LAMC3: variants seen among roughly 807,000 people sequenced by gnomAD.
LAMC3 encodes laminin subunit gamma-3.
In LAMC3, 128 loss-of-function variants were observed where a neutral mutation model predicts 173.8. The ratio of observed to expected loss-of-function variants is 0.74; its 90% CI spans 0.64 to 0.85. The LOEUF is 0.85. LAMC3 is among the 40% of genes least tolerant of loss of function. LAMC3 has a pLI of 0.00. For synonymous variants in LAMC3, 897 were observed against 909.1 expected, an observed-to-expected ratio of 0.99 and a Z score of 0.24; for missense variants, 2,022 against 2,156.0, an observed-to-expected ratio of 0.94 and a Z score of 1.23.
intron 15 of LAMC3, among the ~76,000 whole-genome samples, chr9:131,068,570 C>T (rs976044629): frequency 2.0e-5 from 3 of 151,078 alleles, no homozygotes; most frequent in African/African-American, 7.3e-5. Flanking sequence ...AGGAGGACTC[C>T]AGGGAAACAC....
rs1160809894 is a variant in LAMC3 at position 131,009,899 on chromosome 9, A to G, written c.373+312A>G. On this transcript the variant is annotated intron_variant, in intron 1 of 27. Transcript: ENST00000361069. This position sits in a 1 kb window ranked among gnomAD's most constrained non-coding sequence, Gnocchi z 4.3. ...CCGGGCGCGGTGGCTGACGTCTGTAATCCCAGCACTTTGGGAGGCCGAGGC... is the reference window on the plus strand; with the variant it reads ...CCGGGCGCGGTGGCTGACGTCTGTAGTCCCAGCACTTTGGGAGGCCGAGGC... Among the ~76,000 whole-genome samples, 1 of 151,550 alleles carries G rather than the reference A, an allele frequency of 6.6e-6. No homozygotes were observed. Among genetic ancestry groups the G allele is most frequent in the East Asian group, 1.9e-4 (1 of 5,154 alleles).
chr9:131,075,849 C>T lies in LAMC3; in HGVS notation c.3513C>T (p.Thr1171=), dbSNP rs767717435. 2 of 1,612,144 alleles carry T rather than the reference C, an allele frequency of 1.2e-6. No individual in the cohort carries two copies. Among genetic ancestry groups the T allele is most frequent in the Non-Finnish European group, 1.7e-6 (2 of 1,179,316 alleles). Residue 1171 remains threonine, a synonymous_variant, in exon 21 of 28, where the codon ACC becomes ACT. Transcript: ENST00000361069. ...CACACAGCCACAGAGACACCGCCAC[C>T]AAGATCGCAGCCACTGCTTGGAGGG... ...ALARSHRDTA[T]KIAATAWRAL...
At chr9:131,069,196 C>T (rs1435436190) in intron 16 of LAMC3, 146 bp downstream of exon 16, 5 of 935,718 alleles carry the variant, frequency 5.3e-6, no homozygotes, top group African/African-American at 3.3e-5. Context: ...AAGCATGGAG[C>T]GAGTTGCTCC....
chr9:131,013,004 GGGGCTGGGGCCT>G (rs976071035), intron 1 of LAMC3, among the ~76,000 whole-genome samples: 2 of 152,258 alleles, frequency 1.3e-5, no homozygotes, highest in African/African-American at 4.8e-5. Context: ...GGGAGGCCAC[GGGGCTGGGGCCT>G]GGGAGTCAGT....
At chr9:131,044,038 A>G (rs1403926769) in intron 7 of LAMC3, among the ~76,000 whole-genome samples, 1 of 148,972 alleles carries the variant, frequency 6.7e-6, no homozygotes. Flanking sequence ...GGCTCACTGC[A>G]ACCTCTGTCT....
Position 131,009,435 on chromosome 9 carries a change from GCCAGCGCTGCGACGCCGCCGACCC to G in LAMC3, c.229_252del (p.Cys77_Arg84del), listed in dbSNP as rs1833367210. 1 of 1,544,400 alleles carries G rather than the reference GCCAGCGCTGCGACGCCGCCGACCC, an allele frequency of 6.5e-7. No homozygotes were observed. Among genetic ancestry groups the G allele is most frequent in the African/African-American group, 1.4e-5 (1 of 72,816 alleles). On this transcript the variant is annotated inframe_deletion, in exon 1 of 28. Coordinates refer to ENST00000361069, the MANE Select transcript of LAMC3 (RefSeq NM_006059.4). The surrounding 1 kb of genome is among the most constrained non-coding windows in gnomAD (Gnocchi z 4.3). ...GGCGCCGCGGGCGCGGGGGCTCATT[GCCAGCGCTGCGACGCCGCCGACCC>G]CCAGCGCCACCACAACGCCTCCTAC... is the stretch of plus-strand genomic sequence containing the variant.
chr9:131,084,930 C>T (rs574079686), intron 24 of LAMC3, among the ~76,000 whole-genome samples: 111 of 118,034 alleles, frequency 9.4e-4, no homozygotes, highest in Non-Finnish European at 1.6e-3. Flanking sequence ...CAGAGCGAGA[C>T]CTTGTCTCAA....
chr9:131,061,979 A>G (rs1356155829), intron 13 of LAMC3, among the ~76,000 whole-genome samples: 1 of 152,156 alleles, frequency 6.6e-6, no homozygotes, highest in Non-Finnish European at 1.5e-5. Context: ...TGAGCCCGGG[A>G]GGCGGAGGCT....
chr9:131,094,268 T>A lies in LAMC3; in HGVS notation c.*2481T>A, dbSNP rs1830469115. The A allele has an allele frequency of 6.6e-6, 1 of 152,208 alleles. No individual in the cohort carries two copies. The highest frequency in any genetic ancestry group is 1.5e-5 in the Non-Finnish European group (1 of 68,072). The allele number at this position is 152,208 out of a possible 1,614,324, so 9.4% of individuals were successfully genotyped here. On this transcript the variant is annotated 3_prime_UTR_variant, in exon 28 of 28. Coordinates refer to ENST00000361069, the MANE Select transcript of LAMC3 (RefSeq NM_006059.4). The stretch of plus-strand genomic sequence containing the variant: ...GACAAGCTGGTGACTCTGTCCTGAT[T>A]CCAGCTTCTCAGCTTAGGTGAAGTC...
intron 11 of LAMC3, among the ~76,000 whole-genome samples, chr9:131,054,822 A>G (rs1021550907): frequency 5.2e-5 from 6 of 115,036 alleles, no homozygotes; most frequent in African/African-American, 2.0e-4. Context: ...GAGAGAAAGA[A>G]AGAAGAAGGG....
At chr9:131,018,516 C>T (rs1305882744) in intron 1 of LAMC3, among the ~76,000 whole-genome samples, 1 of 152,098 alleles carries the variant, frequency 6.6e-6, no homozygotes, top group Non-Finnish European at 1.5e-5. Flanking sequence ...GCCAATGAGG[C>T]TTCTGGGTGA....
Position 131,073,276 on chromosome 9 carries a change from C to T in LAMC3, c.3449C>T (p.Thr1150Ile), listed in dbSNP as rs765927134. The T allele has an allele frequency of 2.5e-6, 4 of 1,613,804 alleles. No homozygotes were observed. The highest frequency in any genetic ancestry group is 2.2e-5 in the South Asian group (2 of 91,086). The change falls in exon 20 of 28, where the codon ACC becomes ATC. Residue 1150 changes from threonine (T) to isoleucine (I), a missense_variant. Physicochemically the swap from Thr to Ile is moderately conservative, Grantham distance 89. Transcript: ENST00000361069. ...EIPQEGPSQP[T>I]KWSHLATEAR... The stretch of plus-strand genomic sequence containing the variant: ...CCTCAGGAAGGTCCCAGTCAGCCGA[C>T]CAAATGGAGCCACCTGGCCACAGAG...
intron 25 of LAMC3, 59 bp downstream of exon 25, chr9:131,085,782 C>A (rs1160492611): frequency 5.3e-6 from 8 of 1,523,010 alleles, no homozygotes; most frequent in Non-Finnish European, 7.3e-6. Flanking sequence ...ACCGCCCTTC[C>A]GCGGGCCCCT....
chr9:131,086,267 G>A (rs1050547700), intron 25 of LAMC3, among the ~76,000 whole-genome samples: 2 of 151,908 alleles, frequency 1.3e-5, no homozygotes, highest in African/African-American at 2.4e-5. Context: ...TTAGTAGAGC[G>A]GGGTTTCACC....
At chr9:131,083,079 A>G (rs1402825293) in intron 24 of LAMC3, among the ~76,000 whole-genome samples, 2 of 152,222 alleles carry the variant, frequency 1.3e-5, no homozygotes, top group Non-Finnish European at 2.9e-5. Flanking sequence ...AGAAAAAGGT[A>G]CATTCAATGA....
intron 1 of LAMC3, among the ~76,000 whole-genome samples, chr9:131,014,428 T>G (rs1833482394): frequency 6.6e-6 from 1 of 152,234 alleles, no homozygotes; most frequent in Non-Finnish European, 1.5e-5. Context: ...GTGCCTCCTC[T>G]GGAAAACCCC....
intron 1 of LAMC3, among the ~76,000 whole-genome samples, chr9:131,016,509 C>T (rs1218563164): frequency 6.6e-6 from 1 of 152,202 alleles, no homozygotes; most frequent in Non-Finnish European, 1.5e-5. Flanking sequence ...GCAAAGGAAT[C>T]CTACTTCTGG....
chr9:131,014,135 A>T (rs1388768946), intron 1 of LAMC3, among the ~76,000 whole-genome samples: 1 of 152,154 alleles, frequency 6.6e-6, no homozygotes, highest in African/African-American at 2.4e-5. Flanking sequence ...AATCCAGGAG[A>T]TGCAGGGCTA....
chr9:131,068,212 C>T lies in LAMC3; in HGVS notation c.2728C>T (p.Pro910Ser). ...CTACCCTGGCTTCTTCGACCTCCAGCCTGGGAGGGGCTGCCGGAGGTAGGT... is the reference window on the plus strand; with the variant it reads ...CTACCCTGGCTTCTTCGACCTCCAGTCTGGGAGGGGCTGCCGGAGGTAGGT... ...RCYPGFFDLQ[P>S]GRGCRSCKCH... The change falls in exon 15 of 28, where the codon CCT (proline) becomes TCT (serine). Residue 910 changes from proline to serine, a missense_variant. Physicochemically the swap from Pro to Ser is moderately conservative, Grantham distance 74. Coordinates refer to ENST00000361069, the MANE Select transcript of LAMC3 (RefSeq NM_006059.4). 6.2e-7 allele frequency: 1 copy of T among 1,611,010 alleles called. No individual in the cohort carries two copies. The highest frequency in any genetic ancestry group is 1.1e-5 in the South Asian group (1 of 91,072).
Sources: gnomAD v4.1 joint callset for allele counts (sites outside exome capture counted in the v4.1 genomes callset) on GRCh38, gnomAD v4.1.1 for gene constraint, Gnocchi (gnomAD v3.1) non-coding constraint, MANE v1.5 for transcripts, NCBI Gene and HGNC (gene_info 2026-07-23, HGNC 2026-07-21) for gene names.